Variants in GCH1 observed in about 807,000 individuals in gnomAD.
The protein encoded by GCH1 is GTP cyclohydrolase I.
Under a neutral mutation model 25.9 loss-of-function variants are expected in GCH1, and 5 were observed. The observed-to-expected ratio is 0.19, with a 90% CI of 0.10 to 0.41. The LOEUF is 0.41. Among genes scored for constraint, GCH1 ranks in the 10% least tolerant of loss-of-function variants. The pLI, the probability that GCH1 is intolerant of heterozygous loss-of-function variation, is 1.00. For synonymous variants in GCH1, 159 were observed against 129.6 expected (o/e 1.23, Z -1.54); for missense variants, 261 against 336.5 (o/e 0.78, Z 1.75).
chr14:54,853,598 C>T (rs2039766725), intron 3 of GCH1, among the ~76,000 whole-genome samples: 1 of 152,194 alleles, frequency 6.6e-6, no homozygotes, highest in South Asian at 2.1e-4. Flanking sequence ...CACCCAGCAT[C>T]AGTAGTTGTC....
intron 1 of GCH1, chr14:54,885,419 T>C: frequency 4.3e-6 from 1 of 231,662 alleles, no homozygotes. Context: ...AAGTGCTTTT[T>C]CAGGTTCAGG....
At chr14:54,894,328 G>A (rs930044650) in intron 1 of GCH1, among the ~76,000 whole-genome samples, 7 of 152,216 alleles carry the variant, frequency 4.6e-5, no homozygotes, top group Non-Finnish European at 7.4e-5. Context: ...CTGGAGTGAC[G>A]CAGCTCAAAC....
rs946460735 is a variant in GCH1 at position 54,845,547 on chromosome 14, G to A, written c.626+221C>T. On this transcript the variant is annotated intron_variant, in intron 5 of 5. Transcript: ENST00000491895. ...CTTTTAACTCCCTATGCCTCCACAA[G>A]CCCCATCCTACCCTCAAAAAATACT... Among the ~76,000 whole-genome samples, 2 of 151,020 alleles carry A rather than the reference G, an allele frequency of 1.3e-5. 1 individual carries two copies. Among genetic ancestry groups the A allele is most frequent in the Admixed American group, 1.3e-4 (2 of 15,162 alleles).
intron 1 of GCH1, among the ~76,000 whole-genome samples, chr14:54,877,494 T>C (rs934980917): frequency 6.6e-6 from 1 of 151,934 alleles, no homozygotes; most frequent in Admixed American, 6.6e-5. Context: ...CAAGCCCAAG[T>C]GCTTTTTTTT....
At chr14:54,900,111 C>T (rs1043097770) in intron 1 of GCH1, among the ~76,000 whole-genome samples, 2 of 151,986 alleles carry the variant, frequency 1.3e-5, no homozygotes, top group African/African-American at 2.4e-5. Context: ...GTGATCCGCC[C>T]GCCTCGGCCT....
rs955153003 is a variant in GCH1, at chr14:54,843,353, G to A, written c.*664C>T. 1.2e-4 allele frequency: 159 copies of A among 1,279,924 alleles called. 1 individual carries two copies. Among genetic ancestry groups the A allele is most frequent in the Middle Eastern group, 3.0e-4 (1 of 3,358 alleles). 79.3% of individuals were successfully genotyped at this position (1,279,924 alleles called of 1,614,324 possible). On this transcript the variant is annotated 3_prime_UTR_variant, in exon 6 of 6. Coordinates refer to ENST00000491895, the MANE Select transcript of GCH1 (RefSeq NM_000161.3). The stretch of plus-strand genomic sequence containing the variant: ...TGTATGTTGACACGAGAATACACTC[G>A]TAAACAACACCAGGAACTAATTCCC...
At chr14:54,858,431 G>A (rs2039845996) in intron 3 of GCH1, among the ~76,000 whole-genome samples, 1 of 151,934 alleles carries the variant, frequency 6.6e-6, no homozygotes, top group Non-Finnish European at 1.5e-5. Flanking sequence ...GATTACAGGT[G>A]TGCGCCACCA....
At chr14:54,901,552 G>A (rs1336140326) in intron 1 of GCH1, among the ~76,000 whole-genome samples, 1 of 152,204 alleles carries the variant, frequency 6.6e-6, no homozygotes, top group Non-Finnish European at 1.5e-5. Context: ...TAGGGTGGGA[G>A]GGTGCGGGGA....
chr14:54,875,616 C>A (rs1248742338), intron 1 of GCH1, among the ~76,000 whole-genome samples: 1 of 152,052 alleles, frequency 6.6e-6, no homozygotes, highest in Non-Finnish European at 1.5e-5. Context: ...TGAACTCAAA[C>A]AAATTTACAA....
intron 1 of GCH1, among the ~76,000 whole-genome samples, chr14:54,892,852 G>C (rs533903425): frequency 3.9e-5 from 6 of 152,168 alleles, no homozygotes; most frequent in African/African-American, 1.4e-4. Context: ...GTTGAGACAG[G>C]CCAATCACTT....
intron 2 of GCH1, among the ~76,000 whole-genome samples, chr14:54,859,972 A>G (rs1020881437): frequency 6.6e-6 from 1 of 152,238 alleles, no homozygotes; most frequent in Admixed American, 6.5e-5. Flanking sequence ...CTATTAATCA[A>G]ATAACAAACT....
Position 54,902,701 on chromosome 14 carries a change from G to C in GCH1, c.-38C>G, listed in dbSNP as rs1408507547. 7.1e-7 allele frequency: 1 copy of C among 1,416,826 alleles called. No individual in the cohort carries two copies. The highest frequency in any genetic ancestry group is 1.5e-5 in the African/African-American group (1 of 66,498). The allele number at this position is 1,416,826 out of a possible 1,614,324, so 87.8% of individuals were successfully genotyped here. On this transcript the variant is annotated 5_prime_UTR_variant, in exon 1 of 6. Transcript: ENST00000491895. ...GCCGCTGCCGTTCGGGAAGGACCCCGGGGCGCTTCGAGGTCTGCGGCTAAA... is the reference window on the plus strand; with the variant it reads ...GCCGCTGCCGTTCGGGAAGGACCCCCGGGCGCTTCGAGGTCTGCGGCTAAA...
intron 3 of GCH1, among the ~76,000 whole-genome samples, chr14:54,853,760 C>T (rs1032684233): frequency 6.6e-5 from 10 of 151,328 alleles, no homozygotes; most frequent in Non-Finnish European, 1.0e-4. Context: ...TAATGCTAGG[C>T]TTATCAGGCT....
chr14:54,884,568 G>C (rs1208356018), intron 1 of GCH1, among the ~76,000 whole-genome samples: 2 of 152,004 alleles, frequency 1.3e-5, no homozygotes, highest in African/African-American at 2.4e-5. Flanking sequence ...TCAGGAGTTC[G>C]AGACCAGCCT....
At chr14:54,859,792 G>T in intron 2 of GCH1, 56 bp from the exon 3 acceptor site, 1 of 894,174 alleles carries the variant, frequency 1.1e-6, no homozygotes, top group South Asian at 1.3e-5. Context: ...CCTTCTTTGT[G>T]ACAAAATAAG....
At chr14:54,846,979 G>T in intron 4 of GCH1, 120 bp downstream of exon 4, 1 of 478,156 alleles carries the variant, frequency 2.1e-6, no homozygotes, top group South Asian at 2.1e-5. Context: ...GCAGTGAGCC[G>T]AGATTGCACC....
intron 3 of GCH1, among the ~76,000 whole-genome samples, chr14:54,852,916 T>C (rs1026701904): frequency 1.3e-5 from 2 of 152,170 alleles, no homozygotes; most frequent in Admixed American, 6.5e-5. Context: ...CATGCACTAG[T>C]TTCTGCTAGC....
intron 1 of GCH1, among the ~76,000 whole-genome samples, chr14:54,866,204 C>T (rs2039987120): frequency 6.6e-6 from 1 of 151,970 alleles, no homozygotes; most frequent in Admixed American, 6.6e-5. Flanking sequence ...CAGATGATGC[C>T]TGAGAGCACT....
chr14:54,846,048 G>A (rs2039637592), intron 4 of GCH1, among the ~76,000 whole-genome samples, 196 bp from the exon 5 acceptor site: 1 of 152,200 alleles, frequency 6.6e-6, no homozygotes, highest in Non-Finnish European at 1.5e-5. Flanking sequence ...CTCACCTGAA[G>A]TACAGGGCTA....
Sources: gnomAD v4.1 joint callset for allele counts (sites outside exome capture counted in the v4.1 genomes callset) on GRCh38, gnomAD v4.1.1 for gene constraint, MANE v1.5 for transcripts, NCBI Gene and HGNC (gene_info 2026-07-23, HGNC 2026-07-21) for gene names.